WWTR1: variants seen among roughly 807,000 people sequenced by gnomAD.
WWTR1 encodes the protein WW domain containing transcription regulator 1, also known as WW domain-containing transcription regulator protein 1.
Under a neutral mutation model 40.1 loss-of-function variants are expected in WWTR1, and 13 were observed. The observed-to-expected ratio is 0.32, with a 90% confidence interval of 0.21 to 0.52. The LOEUF (loss-of-function observed/expected upper bound fraction) is 0.52. Among genes scored for constraint, WWTR1 ranks in the 20% least tolerant of loss-of-function variants. The pLI, the probability that WWTR1 is intolerant of heterozygous loss-of-function variation, is 0.97. For missense variants in WWTR1, 436 were observed against 523.1 expected (o/e 0.83, Z 1.63); for synonymous variants, 230 against 210.1 (o/e 1.09, Z -0.82).
chr3:149,521,962 G>A (rs1269854636), intron 6 of WWTR1, among the ~76,000 whole-genome samples: 3 of 152,142 alleles, frequency 2.0e-5, no homozygotes, highest in African/African-American at 7.2e-5. Context: ...GGGTGTCATT[G>A]ATATATACAA....
At chr3:149,601,521 A>C (rs1477013057) in intron 2 of WWTR1, among the ~76,000 whole-genome samples, 1 of 152,112 alleles carries the variant, frequency 6.6e-6, no homozygotes, top group Non-Finnish European at 1.5e-5. Context: ...TTTCAAACAA[A>C]GCACCCAAAA....
intron 2 of WWTR1, among the ~76,000 whole-genome samples, chr3:149,619,074 A>G (rs952599414): frequency 2.6e-5 from 4 of 152,254 alleles, no homozygotes; most frequent in Non-Finnish European, 2.9e-5. Context: ...GCAGAGAGGA[A>G]TAGCCTTGCA....
intron 3 of WWTR1, among the ~76,000 whole-genome samples, chr3:149,564,366 C>T (rs893394866): frequency 2.8e-4 from 43 of 152,326 alleles, no homozygotes; most frequent in African/African-American, 9.6e-4. Context: ...TGCTCAACTG[C>T]AGAGGCCTGA....
At chr3:149,659,231 A>G (rs1350863295), upstream of WWTR1, 1 of 152,116 alleles carries the variant, frequency 6.6e-6, no homozygotes, top group Non-Finnish European at 1.5e-5. Flanking sequence ...AAATCAAACG[A>G]GACAATGTAA....
intron 2 of WWTR1, among the ~76,000 whole-genome samples, chr3:149,610,618 G>A (rs1739690818): frequency 6.6e-6 from 1 of 152,198 alleles, no homozygotes; most frequent in Non-Finnish European, 1.5e-5. Context: ...ACAGAGAAAA[G>A]ATGCCTTCTC....
intron 2 of WWTR1, among the ~76,000 whole-genome samples, chr3:149,581,713 C>T (rs1437636861): frequency 1.3e-5 from 2 of 152,168 alleles, no homozygotes; most frequent in African/African-American, 4.8e-5. Context: ...CTCTAATCCT[C>T]GACTTCCCTC....
At chr3:149,674,832 C>T (rs1191215767) in intron 1 of WWTR1, among the ~76,000 whole-genome samples, 3 of 146,444 alleles carry the variant, frequency 2.0e-5, no homozygotes, top group Non-Finnish European at 3.0e-5. Flanking sequence ...ATTCAAAGCT[C>T]GCTGGGCCTT....
At chr3:149,580,783 T>C (rs953078833) in intron 2 of WWTR1, among the ~76,000 whole-genome samples, 7 of 152,032 alleles carry the variant, frequency 4.6e-5, no homozygotes, top group African/African-American at 1.7e-4. Flanking sequence ...TGGCTAACTT[T>C]TGTATTTTTA....
At chr3:149,567,655 C>A (rs537494453) in intron 3 of WWTR1, among the ~76,000 whole-genome samples, 26 of 152,240 alleles carry the variant, frequency 1.7e-4, no homozygotes, top group Non-Finnish European at 3.4e-4. Flanking sequence ...AACTGGCTAA[C>A]AATAATAGCT....
At chr3:149,623,973 T>A (rs1284009652) in intron 2 of WWTR1, among the ~76,000 whole-genome samples, 4 of 152,222 alleles carry the variant, frequency 2.6e-5, no homozygotes, top group Non-Finnish European at 4.4e-5. Context: ...CTATCTCCCA[T>A]GTGGCTTGCA....
At chr3:149,553,629 A>C (rs547114059) in intron 3 of WWTR1, among the ~76,000 whole-genome samples, 1 of 152,236 alleles carries the variant, frequency 6.6e-6, no homozygotes, top group African/African-American at 2.4e-5. Context: ...CCTTCTGGCC[A>C]TAGAGGCTTT....
Position 149,657,288 on chromosome 3 carries a change from G to C in WWTR1, c.19C>G (p.Pro7Ala). The C allele has an allele frequency of 6.2e-7, 1 of 1,612,102 alleles. No homozygotes were observed. The part of the protein sequence containing the change: MNPASA[P>A]PPLPPPGQQV... ...TGCCCAGGCGGCGGGAGCGGAGGGG[G>C]CGCCGAGGCCGGATTCATCTTCTGC... Residue 7 changes from proline to alanine, a missense_variant, in exon 2 of 7, where the codon CCC becomes GCC. Coordinates refer to ENST00000360632, the MANE Select transcript of WWTR1 (RefSeq NM_015472.6).
intron 6 of WWTR1, among the ~76,000 whole-genome samples, chr3:149,522,152 C>A (rs148206493): frequency 6.2e-4 from 95 of 152,266 alleles, no homozygotes; most frequent in East Asian, 5.6e-3. Context: ...TAACTAAGGC[C>A]AGCTTCCACC....
At chr3:149,574,491 C>CATGATTGTT (rs1737788291) in intron 2 of WWTR1, among the ~76,000 whole-genome samples, 1 of 152,176 alleles carries the variant, frequency 6.6e-6, no homozygotes. Flanking sequence ...ACAAAAGGAG[C>CATGATTGTT]ATGATTGTTG....
intron 3 of WWTR1, among the ~76,000 whole-genome samples, chr3:149,549,400 G>C (rs1024570183): frequency 1.3e-5 from 2 of 152,152 alleles, no homozygotes; most frequent in African/African-American, 2.4e-5. Context: ...GTCTACCTAA[G>C]AGAAAAATAT....
intron 4 of WWTR1, among the ~76,000 whole-genome samples, chr3:149,528,263 C>T (rs966179686): frequency 6.6e-6 from 1 of 152,188 alleles, no homozygotes; most frequent in Non-Finnish European, 1.5e-5. Context: ...ATAGAAAGCC[C>T]TCTCAAAACA....
At chr3:149,636,120 T>C (rs1475832426) in intron 2 of WWTR1, among the ~76,000 whole-genome samples, 2 of 152,210 alleles carry the variant, frequency 1.3e-5, no homozygotes, top group Non-Finnish European at 2.9e-5. Context: ...TTTCCTGGAT[T>C]AATCTGGCTA....
intron 2 of WWTR1, among the ~76,000 whole-genome samples, chr3:149,575,852 TG>T (rs1737853091): frequency 6.6e-6 from 1 of 152,108 alleles, no homozygotes; most frequent in African/African-American, 2.4e-5. Context: ...GGACAGAGTG[TG>T]GGGCCTTCTG....
intron 3 of WWTR1, among the ~76,000 whole-genome samples, chr3:149,560,659 T>A (rs892672799): frequency 2.2e-4 from 33 of 152,196 alleles, no homozygotes; most frequent in Non-Finnish European, 4.1e-4. Flanking sequence ...TTTTTAACTT[T>A]CTTTCTTTCC....
Sources: allele counts gnomAD v4.1 joint callset (sites outside exome capture counted in the v4.1 genomes callset), GRCh38; gene constraint gnomAD v4.1.1; transcripts MANE v1.5; gene names NCBI Gene and HGNC (gene_info 2026-07-23, HGNC 2026-07-21).